Variants in PDE8A observed in about 807,000 individuals in gnomAD.
PDE8A encodes phosphodiesterase 8A, also known as high affinity cAMP-specific and IBMX-insensitive 3',5'-cyclic phosphodiesterase 8A.
Under a neutral mutation model 105.0 loss-of-function variants are expected in PDE8A, and 59 were observed. That is an observed-to-expected ratio of 0.56 (90% CI 0.46 to 0.70). The LOEUF (loss-of-function observed/expected upper bound fraction) is 0.70, where lower values mean the gene tolerates loss of function less well. Ranked by LOEUF, PDE8A falls within the 30% of genes least tolerant of loss-of-function variation. PDE8A has a pLI of 0.00. For synonymous variants in PDE8A, 355 were observed against 371.9 expected, an observed-to-expected ratio of 0.95 and a Z score of 0.52; for missense variants, 1,014 against 1,045.9, an observed-to-expected ratio of 0.97 and a Z score of 0.42.
At position 85,090,929 on chromosome 15, in the gene PDE8A, T is replaced by A. The variant is rs2081632816; in HGVS notation, c.715-115T>A. On this transcript the variant is annotated intron_variant, in intron 7 of 21. Transcript: ENST00000394553. ...ACAACTGCCACGGTGAGGTCCAGGC[T>A]CCTGAGCTTTTTCTGGGGAAAAACC... The A allele has an allele frequency of 1.3e-5, 11 of 836,688 alleles. No individual in the cohort carries two copies. In the South Asian group the frequency reaches 1.9e-4, roughly 14 times the overall value. 51.8% of individuals were successfully genotyped at this position (836,688 alleles called of 1,614,324 possible).
intron 1 of PDE8A, among the ~76,000 whole-genome samples, chr15:85,021,664 C>A (rs1359251534): frequency 6.6e-6 from 1 of 152,170 alleles, no homozygotes; most frequent in Non-Finnish European, 1.5e-5. Flanking sequence ...GATCTCATAT[C>A]CAATCCAGGA....
chr15:85,011,506 A>G (rs1264476820), intron 1 of PDE8A, among the ~76,000 whole-genome samples: 2 of 152,204 alleles, frequency 1.3e-5, no homozygotes, highest in African/African-American at 2.4e-5. Flanking sequence ...TGGTCTGTCA[A>G]TGTGTAAAAA....
chr15:85,013,990 A>G (rs927137591), intron 1 of PDE8A, among the ~76,000 whole-genome samples: 1 of 152,220 alleles, frequency 6.6e-6, no homozygotes, highest in African/African-American at 2.4e-5. Flanking sequence ...AGCAGAAGCT[A>G]CAATGCCCTG....
intron 1 of PDE8A, among the ~76,000 whole-genome samples, chr15:85,057,620 G>A (rs563305674): frequency 5.3e-5 from 8 of 152,326 alleles, no homozygotes; most frequent in Non-Finnish European, 7.3e-5. Flanking sequence ...TGTCGCGCAC[G>A]CTGGGAGCTG....
chr15:85,125,936 A>C (rs968596901), intron 19 of PDE8A, among the ~76,000 whole-genome samples: 2 of 152,196 alleles, frequency 1.3e-5, no homozygotes, highest in Admixed American at 6.5e-5. Flanking sequence ...AAGAGAAGAA[A>C]GAGGCAAGGA....
At chr15:85,125,004 G>T (rs1233364349) in intron 19 of PDE8A, among the ~76,000 whole-genome samples, 1 of 152,206 alleles carries the variant, frequency 6.6e-6, no homozygotes, top group Non-Finnish European at 1.5e-5. Context: ...AGATGAAAGA[G>T]AATAGTTTCC....
At chr15:85,109,307 T>G (rs572569914) in intron 12 of PDE8A, among the ~76,000 whole-genome samples, 177 bp downstream of exon 12, 3 of 152,376 alleles carry the variant, frequency 2.0e-5, no homozygotes, top group Admixed American at 6.5e-5. Flanking sequence ...ATGGGCTCCA[T>G]TCTGAGCCTT....
chr15:85,063,358 A>G (rs1304914739), intron 1 of PDE8A: 4 of 152,190 alleles, frequency 2.6e-5, no homozygotes, highest in African/African-American at 7.2e-5. Flanking sequence ...GAATCATACC[A>G]TCACACAGAG....
At chr15:85,097,409 C>T (rs141938061) in intron 8 of PDE8A, among the ~76,000 whole-genome samples, 266 of 152,234 alleles carry the variant, frequency 1.7e-3, no homozygotes, top group Middle Eastern at 3.4e-3. Flanking sequence ...TTTGAGGTCT[C>T]GTCGTTTGTT....
chr15:84,987,444 C>G (rs981394882), intron 1 of PDE8A, among the ~76,000 whole-genome samples: 1 of 140,874 alleles, frequency 7.1e-6, no homozygotes, highest in African/African-American at 2.6e-5. Context: ...CCTTGGATAG[C>G]TTACCCATTT....
chr15:85,009,668 T>C (rs571085790), intron 1 of PDE8A, among the ~76,000 whole-genome samples: 1 of 152,294 alleles, frequency 6.6e-6, no homozygotes, highest in South Asian at 2.1e-4. Context: ...AAAAAACAAA[T>C]GTCACATGCT....
chr15:85,126,401 TAG>T (rs534070610), intron 20 of PDE8A, 27 bp downstream of exon 20: 1,058 of 1,469,734 alleles, frequency 7.2e-4, no homozygotes, highest in South Asian at 1.3e-3. Flanking sequence ...TTTAAGTTTC[TAG>T]AGAGAGAGAG....
intron 1 of PDE8A, among the ~76,000 whole-genome samples, chr15:85,027,008 C>A (rs903350068): frequency 6.6e-6 from 1 of 152,132 alleles, no homozygotes; most frequent in Non-Finnish European, 1.5e-5. Context: ...CAAATTTTAT[C>A]TCTTAATACC....
At chr15:84,988,697 C>T (rs1284794963) in intron 1 of PDE8A, among the ~76,000 whole-genome samples, 1 of 152,202 alleles carries the variant, frequency 6.6e-6, no homozygotes, top group Admixed American at 6.5e-5. Flanking sequence ...TAGTCAAGGC[C>T]CAGCTGAAAG....
intron 1 of PDE8A, among the ~76,000 whole-genome samples, chr15:85,004,693 G>C (rs1296844024): frequency 6.6e-6 from 1 of 152,156 alleles, no homozygotes; most frequent in East Asian, 1.9e-4. Context: ...GATACAATCT[G>C]AATCTCTAAG....
At chr15:85,062,182 C>A (rs1239817113) in intron 1 of PDE8A, among the ~76,000 whole-genome samples, 1 of 152,140 alleles carries the variant, frequency 6.6e-6, no homozygotes, top group Non-Finnish European at 1.5e-5. Context: ...GTGTTGAAAA[C>A]TGGACATTTG....
At chr15:84,989,228 C>T in intron 1 of PDE8A, among the ~76,000 whole-genome samples, 1 of 152,212 alleles carries the variant, frequency 6.6e-6, no homozygotes, top group East Asian at 1.9e-4. Flanking sequence ...GTGTAGTTTG[C>T]CCATCCACAC....
At chr15:85,108,765 T>A (rs913923354) in intron 11 of PDE8A, among the ~76,000 whole-genome samples, 1 of 152,068 alleles carries the variant, frequency 6.6e-6, no homozygotes, top group African/African-American at 2.4e-5. Flanking sequence ...ATAGGAGAAA[T>A]TCTCCTGAGG....
chr15:85,002,798 T>G (rs1188538410), intron 1 of PDE8A, among the ~76,000 whole-genome samples: 1 of 152,188 alleles, frequency 6.6e-6, no homozygotes, highest in Non-Finnish European at 1.5e-5. Context: ...TAAACTCCGG[T>G]GTTGTGGAAG....
Sources: gnomAD v4.1 joint callset for allele counts (sites outside exome capture counted in the v4.1 genomes callset) on GRCh38, gnomAD v4.1.1 for gene constraint, MANE v1.5 for transcripts, NCBI Gene and HGNC (gene_info 2026-07-23, HGNC 2026-07-21) for gene names.